Variants in MTMR9 observed in about 807,000 individuals in gnomAD.
The protein encoded by MTMR9 is myotubularin related protein 9, also known as myotubularin-related protein 9.
MTMR9 carries 39 observed loss-of-function variants against 69.5 expected under a neutral mutation model. That is an observed-to-expected ratio of 0.56 (90% CI 0.43 to 0.73). The LOEUF (loss-of-function observed/expected upper bound fraction) is 0.73. MTMR9 is among the 30% of genes least tolerant of loss of function. The pLI is 0.00. For missense variants in MTMR9, 900 were observed against 671.2 expected (o/e 1.34, Z -3.77); for synonymous variants, 354 against 240.8 (o/e 1.47, Z -4.35).
chr8:11,285,365 C>A (rs1006335558), intron 1 of MTMR9: 3 of 277,454 alleles, frequency 1.1e-5, no homozygotes, highest in Admixed American at 1.1e-4. Context: ...TTATAAATTT[C>A]TTCTTCTTCT....
downstream of MTMR9, chr8:11,331,195 G>A (rs149660269): frequency 9.9e-6 from 16 of 1,613,768 alleles, no homozygotes; most frequent in African/African-American, 1.2e-4. Context: ...TGGCACCAGC[G>A]CTGCCAGCCC....
At chr8:11,290,853 C>A (rs1182170085) in intron 1 of MTMR9, among the ~76,000 whole-genome samples, 1 of 150,696 alleles carries the variant, frequency 6.6e-6, no homozygotes, top group Non-Finnish European at 1.5e-5. Flanking sequence ...GTGCTAGTTG[C>A]CCCGCTTTCG....
chr8:11,286,691 A>T (rs74870872), intron 1 of MTMR9, among the ~76,000 whole-genome samples: 1 of 105,410 alleles, frequency 9.5e-6, no homozygotes, highest in Non-Finnish European at 1.9e-5. Context: ...AAAAAAAAAA[A>T]GTCTTCAGTG....
chr8:11,316,995 A>C, intron 8 of MTMR9, 102 bp downstream of exon 8: 2 of 650,876 alleles, frequency 3.1e-6, no homozygotes, highest in African/African-American at 1.8e-5. Flanking sequence ...ATCTATATTA[A>C]AATTATTTAT....
At chr8:11,311,560 C>G (rs1262636363) in intron 6 of MTMR9, among the ~76,000 whole-genome samples, 1 of 152,164 alleles carries the variant, frequency 6.6e-6, no homozygotes, top group Non-Finnish European at 1.5e-5. Flanking sequence ...TCTAAAAAAA[C>G]AATATACATA....
the MTMR9 span, among the ~76,000 whole-genome samples, chr8:11,335,574 A>C: frequency 1.3e-5 from 2 of 152,298 alleles, no homozygotes; most frequent in East Asian, 3.9e-4. Flanking sequence ...GTTTATGAAA[A>C]GCAAAACCCA....
chr8:11,318,559 G>A (rs1223565253), intron 8 of MTMR9: 3 of 152,200 alleles, frequency 2.0e-5, no homozygotes, highest in Admixed American at 1.3e-4. Flanking sequence ...AGAATTGAAT[G>A]TATTATCTTT....
At position 11,323,628 on chromosome 8, in the gene MTMR9, A is replaced by G. The variant is rs1800791507; in HGVS notation, c.*840A>G. On this transcript the variant is annotated 3_prime_UTR_variant, in exon 10 of 10. Coordinates refer to ENST00000221086, the MANE Select transcript of MTMR9 (RefSeq NM_015458.4). ...TCTAGAATAGAGTTAATTTATTATAATCAAGCTACAAATAGGTTTTCTTAA... is the reference window on the plus strand; with the variant it reads ...TCTAGAATAGAGTTAATTTATTATAGTCAAGCTACAAATAGGTTTTCTTAA... 1 of 152,260 alleles carries G rather than the reference A, an allele frequency of 6.6e-6. No individual in the cohort carries two copies. Among genetic ancestry groups the G allele is most frequent in the Non-Finnish European group, 1.5e-5 (1 of 68,046 alleles). 9.4% of individuals were successfully genotyped at this position (152,260 alleles called of 1,614,324 possible).
chr8:11,294,595 G>A (rs1438764993), intron 1 of MTMR9, among the ~76,000 whole-genome samples: 2 of 143,154 alleles, frequency 1.4e-5, no homozygotes, highest in Admixed American at 7.1e-5. Context: ...TCTGCCTCCC[G>A]GGTTCAAGCG....
chr8:11,337,472 C>T, the MTMR9 span, among the ~76,000 whole-genome samples: 1 of 152,352 alleles, frequency 6.6e-6, no homozygotes, highest in African/African-American at 2.4e-5. Flanking sequence ...CCTCTACCCT[C>T]TGCCTTGCAT....
chr8:11,320,082 A>G (rs959132270), intron 9 of MTMR9: 4 of 410,010 alleles, frequency 9.8e-6, no homozygotes, highest in Non-Finnish European at 1.7e-5. Flanking sequence ...TTTATGTTGG[A>G]TATTTTTCTA....
At chr8:11,331,431 C>G, downstream of MTMR9, 1 of 1,614,038 alleles carries the variant, frequency 6.2e-7, no homozygotes, top group East Asian at 2.2e-5. Context: ...CTTCTGTGCC[C>G]TGCTCAACGT....
rs1800449567 is a variant in MTMR9 at position 11,317,048 on chromosome 8, A to T, written c.1334+155A>T. 2 of 493,356 alleles carry T rather than the reference A, an allele frequency of 4.1e-6. 1 individual carries two copies. Among genetic ancestry groups the T allele is most frequent in the African/African-American group, 3.9e-5 (2 of 50,702 alleles). 30.6% of individuals were successfully genotyped at this position (493,356 alleles called of 1,614,324 possible). A position where few individuals can be genotyped will look rare whatever the true frequency, so the allele number is the denominator to read the frequency against. On this transcript the variant is annotated intron_variant, in intron 8 of 9. Coordinates refer to ENST00000221086, the MANE Select transcript of MTMR9 (RefSeq NM_015458.4). The stretch of plus-strand genomic sequence containing the variant: ...AGTTAATTATAATTTAAATGACCTG[A>T]AGTATATTCTTTTATGAGAGCATGT...
chr8:11,288,635 G>C (rs1473075439), intron 1 of MTMR9, among the ~76,000 whole-genome samples: 1 of 152,178 alleles, frequency 6.6e-6, no homozygotes, highest in Non-Finnish European at 1.5e-5. Context: ...CTGCAGGGCA[G>C]GGAACAGAGA....
rs753231515 is a variant in MTMR9 at position 11,315,042 on chromosome 8, T to A, written c.1091T>A (p.Leu364Gln). The A allele has an allele frequency of 6.2e-7, 1 of 1,613,732 alleles. No individual in the cohort carries two copies. Among genetic ancestry groups the A allele is most frequent in the Non-Finnish European group, 8.5e-7 (1 of 1,179,682 alleles). The change falls in exon 7 of 10, where the codon CTG becomes CAG. Residue 364 changes from leucine to glutamine, a missense_variant. Coordinates refer to ENST00000221086, the MANE Select transcript of MTMR9 (RefSeq NM_015458.4). ...AGGACCATTCGTGGTTTTGAGGCCCTGATTGAAAGAGAGTGGCTGCAGGTG... is the reference window on the plus strand; with the variant it reads ...AGGACCATTCGTGGTTTTGAGGCCCAGATTGAAAGAGAGTGGCTGCAGGTG... ...RSRTIRGFEA[L>Q]IEREWLQAGH...
chr8:11,334,638 A>G, the MTMR9 span, among the ~76,000 whole-genome samples: 5 of 152,332 alleles, frequency 3.3e-5, no homozygotes, highest in South Asian at 8.3e-4. Flanking sequence ...ACAGAAAAGA[A>G]GTAACAAAAC....
downstream of MTMR9, among the ~76,000 whole-genome samples, chr8:11,329,852 C>T (rs1386796362): frequency 7.2e-5 from 11 of 151,936 alleles, no homozygotes; most frequent in African/African-American, 2.7e-4. Flanking sequence ...TGGCCGCCAT[C>T]CCGTCTAGGA....
chr8:11,330,010 C>T (rs1425294832), downstream of MTMR9, among the ~76,000 whole-genome samples: 6 of 151,294 alleles, frequency 4.0e-5, no homozygotes, highest in Admixed American at 2.6e-4. Flanking sequence ...GCAGCTGCCC[C>T]GTCTGGGAAG....
chr8:11,319,389 A>C (rs747575353), intron 8 of MTMR9: 5 of 267,624 alleles, frequency 1.9e-5, no homozygotes, highest in Non-Finnish European at 3.5e-5. Flanking sequence ...TTTTGTGTAC[A>C]GTAATGTTCT....
Sources: allele counts gnomAD v4.1 joint callset (sites outside exome capture counted in the v4.1 genomes callset), GRCh38; gene constraint gnomAD v4.1.1; transcripts MANE v1.5; gene names NCBI Gene and HGNC (gene_info 2026-07-23, HGNC 2026-07-21).